GCNT1: variants seen among roughly 807,000 people sequenced by gnomAD.
The protein encoded by GCNT1 is beta-1,3-galactosyl-O-glycosyl-glycoprotein beta-1,6-N-acetylglucosaminyltransferase.
GCNT1 carries 16 observed loss-of-function variants against 26.2 expected under a neutral mutation model. The ratio of observed to expected loss-of-function variants is 0.61; its 90% CI spans 0.41 to 0.93. The LOEUF is 0.93. Ranked by LOEUF, GCNT1 falls within the 40% of genes least tolerant of loss-of-function variation. The pLI, the probability that GCNT1 is intolerant of heterozygous loss-of-function variation, is 0.00. For synonymous variants in GCNT1, 183 were observed against 190.8 expected (o/e 0.96, Z 0.34); for missense variants, 477 against 526.7 (o/e 0.91, Z 0.92).
At chr9:76,432,735 G>A (rs1823353941) in intron 1 of GCNT1, among the ~76,000 whole-genome samples, 2 of 152,140 alleles carry the variant, frequency 1.3e-5, no homozygotes, top group Non-Finnish European at 2.9e-5. Flanking sequence ...CCACCTTCAA[G>A]CCAAAGGCAG....
chr9:76,443,418 AC>A (rs1383686506), intron 1 of GCNT1, among the ~76,000 whole-genome samples: 1 of 152,244 alleles, frequency 6.6e-6, no homozygotes, highest in East Asian at 1.9e-4. Flanking sequence ...CTTATGGGAA[AC>A]GAAGGGATGG....
chr9:76,424,996 A>G (rs975880985), intron 1 of GCNT1, among the ~76,000 whole-genome samples: 1 of 151,822 alleles, frequency 6.6e-6, no homozygotes, highest in Non-Finnish European at 1.5e-5. Flanking sequence ...AAAATTAGCC[A>G]GGCGTGGTAT....
At chr9:76,480,450 A>G (rs1377565950) in intron 2 of GCNT1, among the ~76,000 whole-genome samples, 1 of 152,118 alleles carries the variant, frequency 6.6e-6, no homozygotes, top group Non-Finnish European at 1.5e-5. Context: ...CTTGGGCAGT[A>G]TGGCCATTTT....
chr9:76,407,989 T>A, the GCNT1 span, among the ~76,000 whole-genome samples: 2 of 152,248 alleles, frequency 1.3e-5, no homozygotes, highest in Admixed American at 1.3e-4. Context: ...GCAACCTTGC[T>A]ATACTTATTT....
At chr9:76,486,325 G>T (rs1420486025) in intron 2 of GCNT1, among the ~76,000 whole-genome samples, 2 of 152,120 alleles carry the variant, frequency 1.3e-5, no homozygotes, top group Admixed American at 6.5e-5. Context: ...ATCTTTTAGT[G>T]GCATACTTCT....
At chr9:76,412,757 G>T in the GCNT1 span, among the ~76,000 whole-genome samples, 2 of 152,098 alleles carry the variant, frequency 1.3e-5, no homozygotes, top group South Asian at 2.1e-4. Context: ...TGCTTTATAC[G>T]ACTGCTTCCT....
intron 1 of GCNT1, among the ~76,000 whole-genome samples, chr9:76,430,583 A>G (rs1284828638): frequency 6.6e-6 from 1 of 151,758 alleles, no homozygotes. Flanking sequence ...ATGAGGTCTC[A>G]CTATGTTGCC....
At chr9:76,424,370 T>C (rs1268848473) in intron 1 of GCNT1, among the ~76,000 whole-genome samples, 2 of 152,212 alleles carry the variant, frequency 1.3e-5, no homozygotes. Context: ...CTTCCACTAC[T>C]GACACAGCTT....
intron 2 of GCNT1, among the ~76,000 whole-genome samples, chr9:76,481,354 C>G (rs1824416999): frequency 6.6e-6 from 1 of 151,478 alleles, no homozygotes; most frequent in African/African-American, 2.4e-5. Context: ...CCAAGGATGG[C>G]TTTGAATTCT....
At chr9:76,396,170 ATAAT>A in the GCNT1 span, among the ~76,000 whole-genome samples, 4 of 152,250 alleles carry the variant, frequency 2.6e-5, no homozygotes, top group Non-Finnish European at 5.9e-5. Flanking sequence ...ATGAGATAAA[ATAAT>A]TAAATGAATC....
chr9:76,393,905 A>G, the GCNT1 span: 1 of 578,838 alleles, frequency 1.7e-6, no homozygotes, highest in South Asian at 2.3e-5. Flanking sequence ...AGCCAGAAGC[A>G]GGGACAAGCT....
the GCNT1 span, chr9:76,394,147 G>A: frequency 1.9e-6 from 3 of 1,609,084 alleles, no homozygotes; most frequent in Admixed American, 1.7e-5. Context: ...ACTTGACCCC[G>A]GCAGAAGTAA....
At chr9:76,438,542 T>G (rs1186184493), upstream of GCNT1, among the ~76,000 whole-genome samples, 1 of 152,224 alleles carries the variant, frequency 6.6e-6, no homozygotes, top group African/African-American at 2.4e-5. Context: ...TCTTCCATCA[T>G]GACTTGAATT....
upstream of GCNT1, among the ~76,000 whole-genome samples, chr9:76,416,243 C>A (rs1045588514): frequency 2.6e-5 from 4 of 152,114 alleles, no homozygotes; most frequent in Non-Finnish European, 5.9e-5. Context: ...CGGCTGAACT[C>A]CAGGGGGAAG....
At chr9:76,484,670 T>G (rs910322518) in intron 2 of GCNT1, among the ~76,000 whole-genome samples, 32 of 152,130 alleles carry the variant, frequency 2.1e-4, no homozygotes, top group African/African-American at 7.7e-4. Flanking sequence ...TGGCCTAGTA[T>G]TATTATGAAA....
chr9:76,394,101 C>T, the GCNT1 span: 1 of 1,606,700 alleles, frequency 6.2e-7, no homozygotes. Context: ...TGTGGGGATG[C>T]CCAGCTGCTT....
intron 2 of GCNT1, among the ~76,000 whole-genome samples, chr9:76,465,171 T>TTC (rs1288766300): frequency 2.6e-5 from 4 of 151,650 alleles, no homozygotes; most frequent in Non-Finnish European, 5.9e-5. Context: ...TTTTTTTTAT[T>TTC]TTTTTTTAGA....
chr9:76,428,288 A>AAAAAAAAAAAAAAAAAAAAAG (rs1823285383), intron 1 of GCNT1, among the ~76,000 whole-genome samples: 1 of 140,440 alleles, frequency 7.1e-6, no homozygotes, highest in African/African-American at 2.6e-5. Flanking sequence ...AAAAAAAAAA[A>AAAAAAAAAAAAAAAAAAAAAG]ACTTAAAAAA....
chr9:76,445,211 A>G (rs998532018), intron 1 of GCNT1, among the ~76,000 whole-genome samples: 6 of 152,152 alleles, frequency 3.9e-5, no homozygotes, highest in African/African-American at 1.2e-4. Flanking sequence ...GATGTTCTCA[A>G]GTATAACATC....
Sources: gnomAD v4.1 joint callset for allele counts (sites outside exome capture counted in the v4.1 genomes callset) on GRCh38, gnomAD v4.1.1 for gene constraint, MANE v1.5 for transcripts, NCBI Gene and HGNC (gene_info 2026-07-23, HGNC 2026-07-21) for gene names.